SPMAP2L: variants seen among roughly 807,000 people sequenced by gnomAD.
SPMAP2L encodes the protein sperm microtubule associated protein 2-like.
chr4:56,550,189 C>T, the SPMAP2L span, among the ~76,000 whole-genome samples: 1 of 151,974 alleles, frequency 6.6e-6, no homozygotes, highest in East Asian at 1.9e-4. Context: ...GATCTCACTA[C>T]GTTGCCCAGG....
the SPMAP2L span, among the ~76,000 whole-genome samples, chr4:56,608,161 T>C: frequency 6.6e-6 from 1 of 152,174 alleles, no homozygotes; most frequent in Non-Finnish European, 1.5e-5. Flanking sequence ...ATTCATATGA[T>C]ATTTGCAGGA....
At chr4:56,559,664 T>C in the SPMAP2L span, 2 of 757,384 alleles carry the variant, frequency 2.6e-6, no homozygotes, top group Non-Finnish European at 3.6e-6. Context: ...GCCTCCCAGG[T>C]TCATGCGATT....
chr4:56,597,881 T>C, the SPMAP2L span, among the ~76,000 whole-genome samples: 1 of 152,102 alleles, frequency 6.6e-6, no homozygotes, highest in East Asian at 1.9e-4. Flanking sequence ...GTTTTTTTTT[T>C]AGACAGTGTC....
At chr4:56,593,270 A>G in the SPMAP2L span, 2 of 1,196,848 alleles carry the variant, frequency 1.7e-6, no homozygotes, top group African/African-American at 1.5e-5. Flanking sequence ...GCGGCTGCAG[A>G]GGCGCTGCAG....
At chr4:56,577,578 T>G in the SPMAP2L span, among the ~76,000 whole-genome samples, 1 of 151,932 alleles carries the variant, frequency 6.6e-6, no homozygotes, top group Non-Finnish European at 1.5e-5. Context: ...AGAGTGAGAC[T>G]CTGTCTCAAA....
At chr4:56,549,534 A>G in the SPMAP2L span, among the ~76,000 whole-genome samples, 1 of 152,362 alleles carries the variant, frequency 6.6e-6, no homozygotes, top group African/African-American at 2.4e-5. Context: ...GTACATGTGC[A>G]TATAATGCAC....
chr4:56,570,987 A>T, the SPMAP2L span, among the ~76,000 whole-genome samples: 2 of 151,944 alleles, frequency 1.3e-5, no homozygotes, highest in Non-Finnish European at 2.9e-5. Flanking sequence ...TATTTTTAGT[A>T]GAGTCAGGGT....
the SPMAP2L span, among the ~76,000 whole-genome samples, chr4:56,608,461 T>C: frequency 2.0e-5 from 3 of 152,090 alleles, no homozygotes; most frequent in African/African-American, 7.2e-5. Context: ...CTAAGGTATT[T>C]TGGAGATCTT....
chr4:56,557,138 A>G, the SPMAP2L span, among the ~76,000 whole-genome samples: 1 of 151,724 alleles, frequency 6.6e-6, no homozygotes, highest in Non-Finnish European at 1.5e-5. Flanking sequence ...AGTCCCAGCT[A>G]TTCGGGAGGC....
chr4:56,599,487 C>T, the SPMAP2L span, among the ~76,000 whole-genome samples: 1 of 152,072 alleles, frequency 6.6e-6, no homozygotes. Flanking sequence ...CACCTATCAA[C>T]CTGTCACCTA....
the SPMAP2L span, among the ~76,000 whole-genome samples, chr4:56,585,094 T>C: frequency 6.6e-6 from 1 of 152,212 alleles, no homozygotes; most frequent in Non-Finnish European, 1.5e-5. Flanking sequence ...CCCAGCTTCA[T>C]TGGAATCTGC....
the SPMAP2L span, chr4:56,594,362 G>A: frequency 2.0e-5 from 31 of 1,547,442 alleles, no homozygotes; most frequent in Middle Eastern, 1.7e-4. Flanking sequence ...GTCTGAACTC[G>A]CACCTATCAC....
chr4:56,536,672 G>C, the SPMAP2L span, among the ~76,000 whole-genome samples: 1 of 152,176 alleles, frequency 6.6e-6, no homozygotes, highest in Non-Finnish European at 1.5e-5. Flanking sequence ...GATTCAAAGA[G>C]TTAATACCCA....
the SPMAP2L span, among the ~76,000 whole-genome samples, chr4:56,533,315 G>A: frequency 6.6e-6 from 1 of 152,088 alleles, no homozygotes; most frequent in Non-Finnish European, 1.5e-5. Context: ...AAATTATGGT[G>A]AGTGCTCTCA....
At chr4:56,590,157 A>G in the SPMAP2L span, among the ~76,000 whole-genome samples, 1 of 152,158 alleles carries the variant, frequency 6.6e-6, no homozygotes. Flanking sequence ...TTTGTCATAG[A>G]GGGCTCTTAT....
chr4:56,559,518 C>G, the SPMAP2L span: 5 of 1,505,596 alleles, frequency 3.3e-6, no homozygotes, highest in Non-Finnish European at 4.4e-6. Flanking sequence ...ATGTACCTAA[C>G]AGGTTAGTGT....
the SPMAP2L span, chr4:56,584,726 G>A: frequency 1.4e-6 from 1 of 724,358 alleles, no homozygotes; most frequent in Non-Finnish European, 2.3e-6. Flanking sequence ...CTTATCAAAT[G>A]AACTTTTCTG....
At chr4:56,585,579 C>T in the SPMAP2L span, among the ~76,000 whole-genome samples, 91 of 152,158 alleles carry the variant, frequency 6.0e-4, no homozygotes, top group African/African-American at 1.9e-3. Context: ...TGGGCTCAAG[C>T]GATCCTCCCA....
the SPMAP2L span, chr4:56,593,454 A>G: frequency 6.3e-7 from 1 of 1,582,502 alleles, no homozygotes; most frequent in East Asian, 2.2e-5. Context: ...TCCAGTACCC[A>G]GACACGGAGG....
Sources: allele counts gnomAD v4.1 joint callset (sites outside exome capture counted in the v4.1 genomes callset), GRCh38; gene constraint gnomAD v4.1.1; transcripts MANE v1.5; gene names NCBI Gene and HGNC (gene_info 2026-07-23, HGNC 2026-07-21).